Variants in WDR44 observed in about 807,000 individuals in gnomAD.
WDR44 encodes WD repeat-containing protein 44.
WDR44 carries 9 observed loss-of-function variants against 65.7 expected under a neutral mutation model. That is an observed-to-expected ratio of 0.14 (90% CI 0.08 to 0.24). The LOEUF (loss-of-function observed/expected upper bound fraction) is 0.24. WDR44 is among the 10% of genes least tolerant of loss of function. The pLI is 1.00. For synonymous variants in WDR44, 220 were observed against 235.2 expected (o/e 0.94, Z 0.59); for missense variants, 425 against 670.9 (o/e 0.63, Z 4.05).
intron 14 of WDR44, 91 bp downstream of exon 14, chrX:118,436,915 AATT>A: frequency 2.3e-6 from 2 of 861,662 alleles, no homozygotes; most frequent in African/African-American, 2.0e-5. Context: ...ACAGGAAAAA[AATT>A]ATTAACAGCT....
chrX:118,374,487 T>G (rs771573688), intron 1 of WDR44, among the ~76,000 whole-genome samples: 1 of 112,069 alleles, frequency 8.9e-6, no homozygotes, highest in Non-Finnish European at 1.9e-5. Context: ...TGTTCCTACC[T>G]ACCAAGGCCT....
At position 118,394,189 on chromosome X, in the gene WDR44, G is replaced by A; in HGVS notation, c.957+4G>A. ...AGATAAAATAGTTACCGCCCAGGTT[G>A]GTGAATTAGTGTTCTGTTTCATATA... On this transcript the variant is annotated splice_donor_region_variant and intron_variant, in intron 5 of 19. Coordinates refer to ENST00000254029, the MANE Select transcript of WDR44 (RefSeq NM_019045.5). The A allele has an allele frequency of 8.3e-7, 1 of 1,209,691 alleles. No individual in the cohort carries two copies. The highest frequency in any genetic ancestry group is 1.1e-6 in the Non-Finnish European group (1 of 894,268).
At chrX:118,440,949 CTTTTTTTT>C (rs1214126337) in intron 14 of WDR44, among the ~76,000 whole-genome samples, 5 of 50,359 alleles carry the variant, frequency 9.9e-5, no homozygotes, top group South Asian at 1.5e-3. Flanking sequence ...TAAATGAAAT[CTTTTTTTT>C]TTTTTTTTTT....
intron 12 of WDR44, among the ~76,000 whole-genome samples, chrX:118,418,490 G>A (rs2057076399): frequency 9.0e-6 from 1 of 111,400 alleles, no homozygotes; most frequent in Admixed American, 9.6e-5. Context: ...ACCCAGCTCT[G>A]AGCTGGTACT....
At chrX:118,414,436 A>T (rs2057039260) in intron 12 of WDR44, among the ~76,000 whole-genome samples, 1 of 109,812 alleles carries the variant, frequency 9.1e-6, no homozygotes, top group South Asian at 3.9e-4. Context: ...ACAATAATAG[A>T]CTGGATTAAG....
chrX:118,412,096 A>G lies in WDR44; in HGVS notation c.1737+1137A>G, dbSNP rs758725941. On this transcript the variant is annotated intron_variant, in intron 12 of 19. Transcript: ENST00000254029. ...CCTTATAAATCACAGTGTTAGGAAT[A>G]GTTTCCTGGAAACTTGTTATTTGAG... Among the ~76,000 whole-genome samples, 25 of 112,163 alleles carry G rather than the reference A, an allele frequency of 2.2e-4. 1 individual carries two copies. In the Admixed American group the frequency reaches 2.4e-3, roughly 11 times the overall value.
At chrX:118,373,802 T>C (rs1047279955) in intron 1 of WDR44, among the ~76,000 whole-genome samples, 1 of 111,590 alleles carries the variant, frequency 9.0e-6, no homozygotes, top group East Asian at 2.8e-4. Context: ...CAGTTTTTTG[T>C]TATGTAAAAT....
At position 118,397,177 on chromosome X, in the gene WDR44, A is replaced by G. The variant is rs961670236; in HGVS notation, c.1190+71A>G. On this transcript the variant is annotated intron_variant, in intron 7 of 19. Transcript: ENST00000254029. ...GTTAAGATTTCTCTGTTAATGAACT[A>G]TGACAACCCCTAATTTGGTTTCATT... 1.1e-5 allele frequency: 11 copies of G among 959,236 alleles called. No individual in the cohort carries two copies. In the Admixed American group the frequency reaches 2.7e-4, roughly 24 times the overall value. 79.1% of individuals were successfully genotyped at this position (959,236 alleles called of 1,213,427 possible).
chrX:118,424,335 ATATATATATATATG>A (rs2057137368), intron 12 of WDR44, among the ~76,000 whole-genome samples: 1 of 88,914 alleles, frequency 1.1e-5, no homozygotes, highest in East Asian at 3.8e-4. Flanking sequence ...ATATATATAT[ATATATATATATATG>A]TATATATATA....
chrX:118,388,121 A>G (rs933461457), intron 3 of WDR44, among the ~76,000 whole-genome samples: 1 of 111,350 alleles, frequency 9.0e-6, no homozygotes, highest in African/African-American at 3.3e-5. Context: ...ATGTTTTAGC[A>G]GTATCCCCAG....
intron 1 of WDR44, among the ~76,000 whole-genome samples, chrX:118,348,332 G>A (rs890110603): frequency 4.5e-5 from 5 of 111,990 alleles, no homozygotes; most frequent in Non-Finnish European, 9.4e-5. Context: ...TATCTAAACC[G>A]GATGAGTCAT....
In WDR44 at chrX:118,392,717, A is replaced by T; in HGVS notation, c.272A>T (p.Asp91Val). 2 of 1,211,768 alleles carry T rather than the reference A, an allele frequency of 1.7e-6. No homozygotes were observed. The highest frequency in any genetic ancestry group is 2.2e-6 in the Non-Finnish European group (2 of 895,379). Residue 91 changes from aspartate to valine, a missense_variant, in exon 4 of 20, where the codon GAT becomes GTT. By Grantham distance (152) the Asp-to-Val change is radical. Transcript: ENST00000254029. The stretch of plus-strand genomic sequence containing the variant: ...GATTCCAAAGGAAAAGAACTCTCTG[A>T]TCAAGCTACTGCCAGTCCTATTGTG... ...SLDSKGKELS[D>V]QATASPIVAR...
intron 12 of WDR44, among the ~76,000 whole-genome samples, chrX:118,416,488 C>T (rs1411284643): frequency 9.0e-6 from 1 of 111,622 alleles, no homozygotes; most frequent in African/African-American, 3.3e-5. Flanking sequence ...TGTATTTGCA[C>T]GGTTTCGAAG....
At chrX:118,404,563 T>C (rs1421928198) in intron 9 of WDR44, 119 bp downstream of exon 9, 10 of 470,246 alleles carry the variant, frequency 2.1e-5, no homozygotes, top group Non-Finnish European at 3.4e-5. Flanking sequence ...GCTGACATCT[T>C]AGTATTTCAA....
At chrX:118,386,774 A>C (rs1322207236) in intron 2 of WDR44, among the ~76,000 whole-genome samples, 1 of 112,066 alleles carries the variant, frequency 8.9e-6, no homozygotes, top group Non-Finnish European at 1.9e-5. Context: ...TCACATTTAA[A>C]GGTAAATATC....
chrX:118,438,797 G>GTTTTTTTGTTTTTT (rs1431508948), intron 14 of WDR44, among the ~76,000 whole-genome samples: 4 of 64,069 alleles, frequency 6.2e-5, no homozygotes, highest in African/African-American at 2.3e-4. Flanking sequence ...GTTCAGCCAT[G>GTTTTTTTGTTTTTT]TTTTTTTTTT....
chrX:118,365,280 G>C (rs1455746863), intron 1 of WDR44, among the ~76,000 whole-genome samples: 1 of 111,554 alleles, frequency 9.0e-6, no homozygotes, highest in African/African-American at 3.3e-5. Context: ...CTCTCCCATC[G>C]TGCATTTTAC....
intron 1 of WDR44, among the ~76,000 whole-genome samples, chrX:118,364,017 C>T (rs1162542263): frequency 9.0e-6 from 1 of 111,647 alleles, no homozygotes; most frequent in Non-Finnish European, 1.9e-5. Flanking sequence ...ATATTATATG[C>T]CAAATTAAAG....
intron 17 of WDR44, 48 bp from the exon 18 acceptor site, chrX:118,443,510 CAT>C (rs781754547): frequency 5.9e-6 from 7 of 1,182,761 alleles, no homozygotes; most frequent in African/African-American, 5.3e-5. Flanking sequence ...AACCTTTAAA[CAT>C]ATACACACAC....
Sources: allele counts gnomAD v4.1 joint callset (sites outside exome capture counted in the v4.1 genomes callset), GRCh38; gene constraint gnomAD v4.1.1; transcripts MANE v1.5; gene names NCBI Gene and HGNC (gene_info 2026-07-23, HGNC 2026-07-21).